Variants in EYS observed in about 807,000 individuals in gnomAD.
The protein encoded by EYS is EGF-like photoreceptor maintenance factor, also known as protein eyes shut homolog.
A neutral mutation model predicts 282.1 loss-of-function variants in EYS; 250 were observed. The observed-to-expected ratio is 0.89, with a 90% confidence interval of 0.80 to 0.98. The LOEUF is 0.98. EYS is among the 50% of genes least tolerant of loss of function. The probability of loss-of-function intolerance (pLI) is 0.00; values close to 1 mark genes in which losing one functional copy is unlikely to be tolerated. For missense variants in EYS, 4,016 were observed against 3,709.0 expected, an observed-to-expected ratio of 1.08 and a Z score of -2.15; for synonymous variants, 1,355 against 1,282.9, an observed-to-expected ratio of 1.06 and a Z score of -1.20.
chr6:64,447,065 C>T (rs924201370), intron 26 of EYS, among the ~76,000 whole-genome samples: 2 of 151,698 alleles, frequency 1.3e-5, no homozygotes, highest in Non-Finnish European at 2.9e-5. Flanking sequence ...TTATGTATGA[C>T]ACTTAAATAT....
At chr6:64,488,972 T>C (rs1202688489) in intron 26 of EYS, among the ~76,000 whole-genome samples, 1 of 150,960 alleles carries the variant, frequency 6.6e-6, no homozygotes, top group Non-Finnish European at 1.5e-5. Context: ...TATTTCTATA[T>C]GATCTGATAC....
chr6:64,697,435 A>ATTGG (rs1438383344), intron 22 of EYS, among the ~76,000 whole-genome samples: 1 of 152,214 alleles, frequency 6.6e-6, no homozygotes, highest in Non-Finnish European at 1.5e-5. Flanking sequence ...ATGCAATCAT[A>ATTGG]TTGGGTGACT....
intron 12 of EYS, among the ~76,000 whole-genome samples, chr6:65,240,788 G>A (rs1474133233): frequency 6.6e-6 from 1 of 151,980 alleles, no homozygotes; most frequent in African/African-American, 2.4e-5. Context: ...ATTTTCCTTT[G>A]GATATATATC....
At chr6:64,663,083 A>T (rs1211273106) in intron 22 of EYS, among the ~76,000 whole-genome samples, 1 of 151,000 alleles carries the variant, frequency 6.6e-6, no homozygotes, top group Non-Finnish European at 1.5e-5. Context: ...AAAAATCTGT[A>T]AGAGTTAATC....
At chr6:64,900,186 C>T (rs1767610810) in intron 18 of EYS, among the ~76,000 whole-genome samples, 2 of 152,012 alleles carry the variant, frequency 1.3e-5, no homozygotes, top group South Asian at 4.1e-4. Context: ...ATATGCAGAA[C>T]TCTGAAAATG....
intron 22 of EYS, among the ~76,000 whole-genome samples, chr6:64,705,968 T>C (rs954191925): frequency 1.3e-5 from 2 of 150,960 alleles, no homozygotes; most frequent in Non-Finnish European, 2.9e-5. Context: ...ACATGTACCC[T>C]AAAACTTTAA....
At chr6:65,087,363 G>T (rs985088638) in intron 12 of EYS, among the ~76,000 whole-genome samples, 1 of 151,956 alleles carries the variant, frequency 6.6e-6, no homozygotes, top group Non-Finnish European at 1.5e-5. Flanking sequence ...CCCTCTTATT[G>T]CCAAATCCGA....
intron 12 of EYS, among the ~76,000 whole-genome samples, chr6:65,177,919 T>C (rs1013113139): frequency 2.6e-5 from 4 of 151,794 alleles, no homozygotes; most frequent in Admixed American, 6.6e-5. Context: ...ATGAGAATGA[T>C]TTTTTTTCTC....
At chr6:63,848,069 T>G (rs1234121220) in intron 36 of EYS, among the ~76,000 whole-genome samples, 2 of 152,134 alleles carry the variant, frequency 1.3e-5, no homozygotes, top group African/African-American at 4.8e-5. Flanking sequence ...TTCTGCTTGG[T>G]TTAGGCTGAA....
intron 2 of EYS, among the ~76,000 whole-genome samples, chr6:65,629,217 G>A (rs1021222622): frequency 6.6e-6 from 1 of 152,130 alleles, no homozygotes; most frequent in Admixed American, 6.5e-5. Context: ...TAAATCTAAA[G>A]GGAGAGTCAT....
chr6:65,190,459 C>T (rs901094394), intron 12 of EYS, among the ~76,000 whole-genome samples: 1 of 151,020 alleles, frequency 6.6e-6, no homozygotes, highest in Non-Finnish European at 1.5e-5. Flanking sequence ...TATAATGGGC[C>T]TATAAAATTT....
chr6:65,089,761 C>G (rs1774496462), intron 12 of EYS, among the ~76,000 whole-genome samples: 1 of 151,592 alleles, frequency 6.6e-6, no homozygotes, highest in South Asian at 2.1e-4. Flanking sequence ...TGAGATCAGC[C>G]CAGCCAACAT....
chr6:64,488,616 C>T (rs1776645657), intron 26 of EYS, among the ~76,000 whole-genome samples: 1 of 150,678 alleles, frequency 6.6e-6, no homozygotes, highest in African/African-American at 2.4e-5. Flanking sequence ...GTATAAATAA[C>T]TTTAGAACAA....
intron 1 of EYS, among the ~76,000 whole-genome samples, chr6:65,673,528 G>A (rs183960296): frequency 2.4e-3 from 364 of 152,170 alleles, no homozygotes; most frequent in African/African-American, 8.4e-3. Context: ...AGTGGCCAAG[G>A]GGGTTCAGCG....
At chr6:64,300,099 C>A (rs548402409) in intron 30 of EYS, among the ~76,000 whole-genome samples, 1 of 152,152 alleles carries the variant, frequency 6.6e-6, no homozygotes, top group South Asian at 2.1e-4. Flanking sequence ...GAGTTCTTAG[C>A]CTACCTGGTA....
intron 1 of EYS, among the ~76,000 whole-genome samples, 189 bp downstream of exon 1, chr6:65,706,946 A>G (rs868420953): frequency 1.3e-5 from 2 of 152,230 alleles, no homozygotes; most frequent in East Asian, 3.8e-4. Context: ...TGATTCAAAC[A>G]GAATGAATAT....
chr6:64,050,242 C>T (rs1401788717), intron 33 of EYS, among the ~76,000 whole-genome samples: 1 of 152,086 alleles, frequency 6.6e-6, no homozygotes, highest in Non-Finnish European at 1.5e-5. Flanking sequence ...CTTTGGAATT[C>T]TCTCCTGACT....
intron 2 of EYS, among the ~76,000 whole-genome samples, chr6:65,544,481 T>C (rs548227107): frequency 2.0e-5 from 3 of 152,114 alleles, no homozygotes; most frequent in Non-Finnish European, 4.4e-5. Context: ...TGAGTTATCA[T>C]AGATCTGATG....
chr6:65,325,713 T>C (rs1364161008), intron 11 of EYS, among the ~76,000 whole-genome samples: 1 of 152,078 alleles, frequency 6.6e-6, no homozygotes, highest in Non-Finnish European at 1.5e-5. Flanking sequence ...AATGGTGCTT[T>C]ACCCAGGGTA....
Sources: gnomAD v4.1 joint callset for allele counts (sites outside exome capture counted in the v4.1 genomes callset) on GRCh38, gnomAD v4.1.1 for gene constraint, MANE v1.5 for transcripts, NCBI Gene and HGNC (gene_info 2026-07-23, HGNC 2026-07-21) for gene names.